Variants in PLAG1 observed in about 807,000 individuals in gnomAD.
PLAG1 encodes PLAG1 zinc finger.
PLAG1 carries 7 observed loss-of-function variants against 35.5 expected under a neutral mutation model. That is an observed-to-expected ratio of 0.20 (90% CI 0.11 to 0.37). The LOEUF (loss-of-function observed/expected upper bound fraction) is 0.37. PLAG1 is among the 10% of genes least tolerant of loss of function. The probability of loss-of-function intolerance (pLI) is 1.00; values close to 1 mark genes in which losing one functional copy is unlikely to be tolerated. For missense variants in PLAG1, 454 were observed against 602.8 expected (o/e 0.75, Z 2.58); for synonymous variants, 229 against 225.4 (o/e 1.02, Z -0.14).
At chr8:56,175,944 C>A (rs969560961) in intron 2 of PLAG1, among the ~76,000 whole-genome samples, 1 of 152,114 alleles carries the variant, frequency 6.6e-6, no homozygotes, top group Non-Finnish European at 1.5e-5. Flanking sequence ...AATTTTATCT[C>A]CCAATTCAGA....
rs75384951 is a variant in PLAG1, at chr8:56,165,712, G to A, written c.*531C>T. 147 of 196,540 alleles carry A rather than the reference G, an allele frequency of 7.5e-4. 3 individuals carry two copies. In the East Asian group the frequency reaches 0.011, roughly 14 times the overall value. The allele number at this position is 196,540 out of a possible 1,614,324, so 12.2% of individuals were successfully genotyped here. ...CAGAATATACTGATCTGAAATTATG[G>A]TGTATCTAACAAACATTTATTATCT... is the stretch of plus-strand genomic sequence containing the variant. On this transcript the variant is annotated 3_prime_UTR_variant, in exon 5 of 5. Transcript: ENST00000316981.
chr8:56,199,923 A>G (rs529935800), intron 1 of PLAG1, among the ~76,000 whole-genome samples: 2 of 152,324 alleles, frequency 1.3e-5, no homozygotes, highest in Admixed American at 6.5e-5. Context: ...GGATGCAGGT[A>G]AAAGAGTGGG....
chr8:56,186,611 G>C (rs537188862), intron 1 of PLAG1, among the ~76,000 whole-genome samples: 1 of 150,844 alleles, frequency 6.6e-6, no homozygotes, highest in East Asian at 2.0e-4. Flanking sequence ...GACCACAACT[G>C]ATCTGCCAGC....
At chr8:56,203,979 G>C (rs770192067) in intron 1 of PLAG1, among the ~76,000 whole-genome samples, 2 of 151,928 alleles carry the variant, frequency 1.3e-5, no homozygotes, top group Non-Finnish European at 2.9e-5. Context: ...TTTATAATAG[G>C]ATATGCTGGT....
chr8:56,166,618 T>C lies in PLAG1; in HGVS notation c.1128A>G (p.Ala376=), dbSNP rs376111654. Residue 376 remains alanine (A), a synonymous_variant, in exon 5 of 5, where the codon GCA becomes GCG. Coordinates refer to ENST00000316981, the MANE Select transcript of PLAG1 (RefSeq NM_002655.3). ...CCAACCCTAGCTTAGATGATGACGA[T>C]GCTTGAGAATCTTGGGATGAAGAGG... ...GVPSSSQDSQ[A]SSSSKLGLDP... is the part of the protein sequence containing the mutation. 4.3e-6 allele frequency: 7 copies of C among 1,614,120 alleles called. No individual in the cohort carries two copies. Among genetic ancestry groups the C allele is most frequent in the South Asian group, 1.1e-5 (1 of 91,078 alleles).
Position 56,166,606 on chromosome 8 carries a change from AGAT to A in PLAG1, c.1137_1139del (p.Ser380del), listed in dbSNP as rs1015758225. Reference sequence around the variant, plus strand: ...CAATCTGAGGATCCAACCCTAGCTTAGATGATGACGATGCTTGAGAATCTTGGG... The same window carrying A: ...CAATCTGAGGATCCAACCCTAGCTTAGATGACGATGCTTGAGAATCTTGGG... On this transcript the variant is annotated inframe_deletion, in exon 5 of 5. Transcript: ENST00000316981. 3 of 1,614,074 alleles carry A rather than the reference AGAT, an allele frequency of 1.9e-6. No individual in the cohort carries two copies. Among genetic ancestry groups the A allele is most frequent in the Non-Finnish European group, 2.5e-6 (3 of 1,179,942 alleles).
At chr8:56,190,643 T>C (rs1812155525) in intron 1 of PLAG1, among the ~76,000 whole-genome samples, 1 of 152,080 alleles carries the variant, frequency 6.6e-6, no homozygotes, top group Admixed American at 6.5e-5. Context: ...GAGCTGTCAC[T>C]GTTTTATTTT....
chr8:56,189,388 C>A (rs1209420537), intron 1 of PLAG1, among the ~76,000 whole-genome samples: 2 of 152,148 alleles, frequency 1.3e-5, no homozygotes, highest in Non-Finnish European at 2.9e-5. Flanking sequence ...GTGGTCATGT[C>A]CAGAAAGTTC....
At chr8:56,172,535 T>G (rs1027128443) in intron 2 of PLAG1, among the ~76,000 whole-genome samples, 1 of 152,246 alleles carries the variant, frequency 6.6e-6, no homozygotes. Flanking sequence ...TTGTGTATTA[T>G]GTTATTTTAA....
chr8:56,210,599 C>T (rs1793568803), intron 1 of PLAG1, among the ~76,000 whole-genome samples: 2 of 152,210 alleles, frequency 1.3e-5, no homozygotes. Context: ...CTGCGGGTTT[C>T]CGCCAGGCCC....
In PLAG1 at chr8:56,196,987, T is replaced by TGC. The variant is rs1554537800; in HGVS notation, c.-322+14132_-322+14133dup. Among the ~76,000 whole-genome samples, 623 of 149,538 alleles carry TGC rather than the reference T, an allele frequency of 4.2e-3. 10 individuals are homozygous for TGC. The highest frequency in any genetic ancestry group is 0.03 in the East Asian group (152 of 5,066). On this transcript the variant is annotated intron_variant, in intron 1 of 4. Transcript: ENST00000316981. ...GTGTGTGTGTGTGTGTGTGTGTGTGTGCTCCTCTCTCCCCTCCAGGGCTGT... is the reference window on the plus strand; with the variant it reads ...GTGTGTGTGTGTGTGTGTGTGTGTGTGCGCTCCTCTCTCCCCTCCAGGGCTGT...
At chr8:56,209,949 C>T in intron 1 of PLAG1, among the ~76,000 whole-genome samples, 1 of 152,106 alleles carries the variant, frequency 6.6e-6, no homozygotes, top group East Asian at 1.9e-4. Context: ...CCCAAAAAAA[C>T]CCCGCAAAGA....
chr8:56,203,979 G>T (rs770192067), intron 1 of PLAG1, among the ~76,000 whole-genome samples: 2 of 151,928 alleles, frequency 1.3e-5, no homozygotes, highest in African/African-American at 2.4e-5. Context: ...TTTATAATAG[G>T]ATATGCTGGT....
intron 1 of PLAG1, among the ~76,000 whole-genome samples, chr8:56,193,181 T>C (rs939187489): frequency 6.6e-5 from 10 of 152,244 alleles, no homozygotes; most frequent in African/African-American, 2.2e-4. Flanking sequence ...CCAAGAAATA[T>C]ACAAATGATA....
At chr8:56,200,293 A>G (rs1812512500) in intron 1 of PLAG1, among the ~76,000 whole-genome samples, 1 of 152,230 alleles carries the variant, frequency 6.6e-6, no homozygotes, top group African/African-American at 2.4e-5. Context: ...GGAAGTTCCA[A>G]CTGAATATAG....
Position 56,162,227 on chromosome 8 carries a change from A to G in PLAG1, c.*4016T>C, listed in dbSNP as rs1811222952. 1 of 228,870 alleles carries G rather than the reference A, an allele frequency of 4.4e-6. No individual in the cohort carries two copies. Among genetic ancestry groups the G allele is most frequent in the Non-Finnish European group, 8.7e-6 (1 of 114,858 alleles). 14.2% of individuals were successfully genotyped at this position (228,870 alleles called of 1,614,324 possible). A position where few individuals can be genotyped will look rare whatever the true frequency, so the allele number is the denominator to read the frequency against. ...CCAGAACTAACAGCCAGCCATTGCT[A>G]ATGACGAATACTAAACATTTAAAAG... is the stretch of plus-strand genomic sequence containing the variant. On this transcript the variant is annotated 3_prime_UTR_variant, in exon 5 of 5. Transcript: ENST00000316981.
chr8:56,201,403 C>A (rs958422688), intron 1 of PLAG1, among the ~76,000 whole-genome samples: 1 of 152,134 alleles, frequency 6.6e-6, no homozygotes, highest in African/African-American at 2.4e-5. Context: ...TATTATGAGA[C>A]AAAGTTTATA....
intron 1 of PLAG1, among the ~76,000 whole-genome samples, chr8:56,188,922 G>A (rs1194349012): frequency 6.6e-6 from 1 of 152,176 alleles, no homozygotes; most frequent in Non-Finnish European, 1.5e-5. Flanking sequence ...CTGGGGCAAA[G>A]GGGAAAAGAT....
chr8:56,187,217 T>A (rs888898414), intron 1 of PLAG1, among the ~76,000 whole-genome samples: 1 of 152,182 alleles, frequency 6.6e-6, no homozygotes, highest in Non-Finnish European at 1.5e-5. Context: ...CCTTCCCTAC[T>A]GCGATACACA....
Sources: allele counts gnomAD v4.1 joint callset (sites outside exome capture counted in the v4.1 genomes callset), GRCh38; gene constraint gnomAD v4.1.1; transcripts MANE v1.5; gene names NCBI Gene and HGNC (gene_info 2026-07-23, HGNC 2026-07-21).